The following ZC3H3 variants were observed in gnomAD, a reference collection of about 807,000 sequenced individuals.
ZC3H3 encodes the protein zinc finger CCCH domain-containing protein 3.
A neutral mutation model predicts 77.3 loss-of-function variants in ZC3H3; 36 were observed. The observed-to-expected ratio is 0.47, with a 90% CI of 0.36 to 0.61. The LOEUF (loss-of-function observed/expected upper bound fraction) is 0.61. ZC3H3 is among the 20% of genes least tolerant of loss of function. ZC3H3 has a pLI of 0.00. For synonymous variants in ZC3H3, 626 were observed against 555.2 expected (o/e 1.13, Z -1.79); for missense variants, 1,331 against 1,312.2 (o/e 1.01, Z -0.22).
chr8:143,457,605 A>T (rs1586882867), intron 9 of ZC3H3, among the ~76,000 whole-genome samples: 1 of 152,060 alleles, frequency 6.6e-6, no homozygotes, highest in South Asian at 2.1e-4. Context: ...GGTAGCAGGG[A>T]CCTGTAGTCT....
chr8:143,451,912 C>T (rs1819997137), intron 9 of ZC3H3, among the ~76,000 whole-genome samples: 1 of 152,222 alleles, frequency 6.6e-6, no homozygotes, highest in South Asian at 2.1e-4. Flanking sequence ...GTAACAAACC[C>T]AAGCCACCTC....
Position 143,489,447 on chromosome 8 carries a change from G to A in ZC3H3, c.1716-13862C>T, listed in dbSNP as rs1586917153. 2.0e-5 allele frequency among the ~76,000 whole-genome samples: 3 copies of A among 152,296 alleles called. No homozygotes were observed. The East Asian group carries it at 5.8e-4, about 29-fold the overall frequency. On this transcript the variant is annotated intron_variant, in intron 4 of 11. Transcript: ENST00000262577. Reference sequence around the variant, plus strand: ...GGGGATGCGCCCTCCCACCGCGGCTGGGCCACGGAGCCCCGCCCACCACCG... The same window carrying A: ...GGGGATGCGCCCTCCCACCGCGGCTAGGCCACGGAGCCCCGCCCACCACCG...
intron 4 of ZC3H3, among the ~76,000 whole-genome samples, chr8:143,492,798 G>A (rs1424255234): frequency 8.9e-6 from 1 of 112,144 alleles, no homozygotes; most frequent in Non-Finnish European, 1.8e-5. Flanking sequence ...TGGCCCAGGG[G>A]CTCCCTCCTC....
chr8:143,515,408 C>G (rs753406174), intron 3 of ZC3H3, among the ~76,000 whole-genome samples: 7 of 152,268 alleles, frequency 4.6e-5, no homozygotes, highest in African/African-American at 1.7e-4. Context: ...GCCAGTCATG[C>G]GTGACATCAG....
At chr8:143,504,254 G>A in intron 4 of ZC3H3, among the ~76,000 whole-genome samples, 1 of 152,186 alleles carries the variant, frequency 6.6e-6, no homozygotes, top group East Asian at 1.9e-4. Context: ...GGCCAGGAGA[G>A]GGGCCCCTTC....
chr8:143,501,151 G>A (rs938621164), intron 4 of ZC3H3, among the ~76,000 whole-genome samples: 1 of 151,786 alleles, frequency 6.6e-6, no homozygotes, highest in Non-Finnish European at 1.5e-5. Flanking sequence ...TTTTGGAGGA[G>A]ACATTCAACA....
intron 4 of ZC3H3, among the ~76,000 whole-genome samples, chr8:143,476,353 G>C (rs953424690): frequency 1.3e-5 from 2 of 152,198 alleles, no homozygotes; most frequent in African/African-American, 2.4e-5. Context: ...ACAGCCCCTG[G>C]AGTTAGCTGA....
rs548270864 is a variant in ZC3H3 at position 143,462,658 on chromosome 8, C to A, written c.2307+3059G>T. ...CCTTCCCTCTCCCGACAGCTCCCTG[C>A]AGACAGGCACCAACCACACACAGGG... On this transcript the variant is annotated intron_variant, in intron 9 of 11. Coordinates refer to ENST00000262577, the MANE Select transcript of ZC3H3 (RefSeq NM_015117.3). The surrounding 1 kb of genome is among the most constrained non-coding windows in gnomAD (Gnocchi z 4.7). Among the ~76,000 whole-genome samples the A allele has an allele frequency of 6.6e-6, 1 of 152,322 alleles. No homozygotes were observed. The highest frequency in any genetic ancestry group is 1.9e-4 in the East Asian group (1 of 5,182).
intron 4 of ZC3H3, among the ~76,000 whole-genome samples, chr8:143,481,392 CCCA>C (rs901261644): frequency 2.4e-4 from 37 of 152,326 alleles, no homozygotes; most frequent in Admixed American, 1.4e-3. Context: ...GACATCCCAC[CCCA>C]CGTGAGCCCC....
intron 4 of ZC3H3, among the ~76,000 whole-genome samples, chr8:143,505,295 G>A (rs186721756): frequency 1.3e-5 from 2 of 152,334 alleles, no homozygotes; most frequent in Admixed American, 1.3e-4. Flanking sequence ...GCCGAGGGAG[G>A]GCTGAGGGTC....
Position 143,437,976 on chromosome 8 carries a change from TGG to T in ZC3H3, c.*78_*79del. The T allele has an allele frequency of 3.2e-6, 5 of 1,550,604 alleles. No homozygotes were observed. The South Asian group carries it at 5.9e-5, about 18-fold the overall frequency. On this transcript the variant is annotated 3_prime_UTR_variant, in exon 12 of 12. Coordinates refer to ENST00000262577, the MANE Select transcript of ZC3H3 (RefSeq NM_015117.3). ...GGCTTGGTGGCGGGCGGCCCTCCTG[TGG>T]GGTAGAGTGGTGGACAGAGCCTCTT...
chr8:143,512,131 CTGCA>C (rs1235578435), intron 3 of ZC3H3, among the ~76,000 whole-genome samples: 4 of 152,242 alleles, frequency 2.6e-5, no homozygotes, highest in African/African-American at 9.6e-5. Flanking sequence ...AGCCCAGACC[CTGCA>C]TGCAAGGAGA....
At chr8:143,511,206 C>T (rs1022678276) in intron 3 of ZC3H3, among the ~76,000 whole-genome samples, 7 of 152,170 alleles carry the variant, frequency 4.6e-5, no homozygotes, top group South Asian at 2.1e-4. Context: ...AATGACGCAT[C>T]ATCAGGAGGG....
intron 3 of ZC3H3, among the ~76,000 whole-genome samples, chr8:143,522,955 G>T (rs1190900747): frequency 6.6e-6 from 1 of 152,068 alleles, no homozygotes; most frequent in Non-Finnish European, 1.5e-5. Context: ...TTTGATTTCA[G>T]CAAGAGTCCT....
At position 143,440,379 on chromosome 8, in the gene ZC3H3, G is replaced by A. The variant is rs747819172; in HGVS notation, c.2493-16C>T. 1 of 1,511,412 alleles carries A rather than the reference G, an allele frequency of 6.6e-7. No homozygotes were observed. The highest frequency in any genetic ancestry group is 8.8e-7 in the Non-Finnish European group (1 of 1,130,472). The allele number at this position is 1,511,412 out of a possible 1,614,324, so 93.6% of individuals were successfully genotyped here. A position where few individuals can be genotyped will look rare whatever the true frequency, so the allele number is the denominator to read the frequency against. ...TGAAGGCTTCCTGCAGGGAAGGAAG[G>A]GGCAGACGTGTGAGGTGGGGTGACG... On this transcript the variant is annotated splice_polypyrimidine_tract_variant and intron_variant, in intron 10 of 11. Transcript: ENST00000262577.
chr8:143,466,965 G>A (rs1820425643), intron 8 of ZC3H3, among the ~76,000 whole-genome samples: 1 of 152,150 alleles, frequency 6.6e-6, no homozygotes, highest in Non-Finnish European at 1.5e-5. Context: ...ACTTGTCTAA[G>A]GCCAAGGAGG....
chr8:143,489,868 A>C (rs1821153532), intron 4 of ZC3H3, among the ~76,000 whole-genome samples: 1 of 152,152 alleles, frequency 6.6e-6, no homozygotes, highest in Non-Finnish European at 1.5e-5. Flanking sequence ...GACTCTGGGG[A>C]GTGGACGGGG....
intron 3 of ZC3H3, among the ~76,000 whole-genome samples, chr8:143,512,429 T>G (rs1251212018): frequency 2.0e-5 from 3 of 152,256 alleles, no homozygotes; most frequent in Non-Finnish European, 4.4e-5. Context: ...CCCGTTTCTG[T>G]GTCTTTCCAG....
intron 3 of ZC3H3, among the ~76,000 whole-genome samples, chr8:143,510,380 G>A (rs1311740532): frequency 2.0e-5 from 3 of 152,250 alleles, no homozygotes; most frequent in Admixed American, 6.5e-5. Context: ...GCCTGGCCCT[G>A]CAGACCATGG....
Sources: gnomAD v4.1 joint callset for allele counts (sites outside exome capture counted in the v4.1 genomes callset) on GRCh38, gnomAD v4.1.1 for gene constraint, Gnocchi (gnomAD v3.1) non-coding constraint, MANE v1.5 for transcripts, NCBI Gene and HGNC (gene_info 2026-07-23, HGNC 2026-07-21) for gene names.